Variants in PSMF1 observed in about 807,000 individuals in gnomAD.
PSMF1 encodes the protein proteasome inhibitor subunit 1, also known as proteasome inhibitor PI31 subunit.
A neutral mutation model predicts 29.3 loss-of-function variants in PSMF1; 30 were observed. That is an observed-to-expected ratio of 1.02 (90% CI 0.77 to 1.39). The LOEUF is 1.39. Among genes scored for constraint, PSMF1 ranks in the 40% most tolerant of loss-of-function variants. PSMF1 has a pLI of 0.00. For missense variants in PSMF1, 344 were observed against 357.5 expected (o/e 0.96, Z 0.31); for synonymous variants, 134 against 139.7 (o/e 0.96, Z 0.29).
At chr20:1,126,445 T>C (rs1292790242) in intron 2 of PSMF1, among the ~76,000 whole-genome samples, 1 of 152,232 alleles carries the variant, frequency 6.6e-6, no homozygotes, top group African/African-American at 2.4e-5. Context: ...TTAACTATTA[T>C]ATAGTTTCTC....
At chr20:1,139,579 A>C (rs11697070) in intron 4 of PSMF1, among the ~76,000 whole-genome samples, 17,333 of 152,114 alleles carry the variant, frequency 0.11, 1,084 homozygotes, top group African/African-American at 0.15. Flanking sequence ...CCCCGTCTCT[A>C]CTAAAAATAC....
intron 3 of PSMF1, among the ~76,000 whole-genome samples, chr20:1,131,869 T>A (rs2086233962): frequency 6.6e-6 from 1 of 152,188 alleles, no homozygotes; most frequent in South Asian, 2.1e-4. Context: ...TAATCAGGCC[T>A]GAATTTTACA....
intron 4 of PSMF1, among the ~76,000 whole-genome samples, chr20:1,138,702 A>G (rs1263240141): frequency 2.6e-5 from 4 of 151,882 alleles, no homozygotes; most frequent in African/African-American, 9.7e-5. Flanking sequence ...GCATATACCT[A>G]TAGTCCCAGC....
chr20:1,121,101 CAGAA>C (rs962410635), intron 1 of PSMF1, among the ~76,000 whole-genome samples: 4 of 151,998 alleles, frequency 2.6e-5, no homozygotes, highest in African/African-American at 7.2e-5. Flanking sequence ...ATGAAATGTA[CAGAA>C]AGAATACAAT....
intron 4 of PSMF1, among the ~76,000 whole-genome samples, chr20:1,138,686 T>C (rs1568471768): frequency 6.6e-6 from 1 of 151,876 alleles, no homozygotes; most frequent in African/African-American, 2.4e-5. Flanking sequence ...TTAGCCAGGC[T>C]TGATGGCATA....
chr20:1,129,176 G>T (rs963029318), intron 3 of PSMF1, among the ~76,000 whole-genome samples: 1 of 152,084 alleles, frequency 6.6e-6, no homozygotes, highest in African/African-American at 2.4e-5. Context: ...ACTGCACCCA[G>T]CCAATTTTTG....
At position 1,164,365 on chromosome 20, in the gene PSMF1, C is replaced by T. The variant is rs748423519; in HGVS notation, c.653C>T (p.Pro218Leu). ...MIVDPLRSGFPRALIDPSSGL... is the reference protein window; with the variant it reads ...MIVDPLRSGFLRALIDPSSGL... ...GTGGATCCCCTGAGATCTGGCTTCC[C>T]AAGAGCACTTATTGACCCTTCCTCA... Residue 218 changes from proline to leucine, a missense_variant, in exon 6 of 7, where the codon CCA (proline) becomes CTA (leucine). Transcript: ENST00000335877. The surrounding 1 kb of genome is among the most constrained non-coding windows in gnomAD (Gnocchi z 4.1). The T allele has an allele frequency of 1.2e-6, 2 of 1,614,016 alleles. No individual in the cohort carries two copies. The highest frequency in any genetic ancestry group is 1.1e-5 in the South Asian group (1 of 91,086).
At chr20:1,161,077 G>T in intron 4 of PSMF1, 1 of 479,950 alleles carries the variant, frequency 2.1e-6, no homozygotes. Flanking sequence ...CCATCTACAA[G>T]GGCTATGCCC....
chr20:1,131,838 C>T (rs1313392882), intron 3 of PSMF1, among the ~76,000 whole-genome samples: 1 of 152,166 alleles, frequency 6.6e-6, no homozygotes, highest in South Asian at 2.1e-4. Flanking sequence ...AGAACTTCTC[C>T]TTCAGGACCT....
intron 4 of PSMF1, among the ~76,000 whole-genome samples, chr20:1,139,757 A>C: frequency 6.8e-6 from 1 of 147,866 alleles, no homozygotes; most frequent in Admixed American, 6.7e-5. Context: ...AAAAAAAAAA[A>C]CGATAAAAAT....
chr20:1,162,968 G>C (rs1022223629), intron 4 of PSMF1, among the ~76,000 whole-genome samples, 162 bp from the exon 5 acceptor site: 16 of 152,046 alleles, frequency 1.1e-4, no homozygotes, highest in Admixed American at 9.2e-4. Context: ...TGTCATTGTA[G>C]GATTATCATT....
chr20:1,125,175 T>C (rs988298631), intron 1 of PSMF1, among the ~76,000 whole-genome samples: 2 of 152,246 alleles, frequency 1.3e-5, no homozygotes, highest in African/African-American at 4.8e-5. Flanking sequence ...AACTTCGCAG[T>C]GTTCCTCAAG....
Position 1,165,311 on chromosome 20 carries a change from T to C in PSMF1, c.*231T>C. 2.1e-6 allele frequency: 3 copies of C among 1,402,170 alleles called. No individual in the cohort carries two copies. Among genetic ancestry groups the C allele is most frequent in the Non-Finnish European group, 2.8e-6 (3 of 1,081,260 alleles). 86.9% of individuals were successfully genotyped at this position (1,402,170 alleles called of 1,614,324 possible). ...AGAAATCAGTGTGTCTCTTTCACCA[T>C]CAGCTCCTCCCCTTTCACCACCAGC... On this transcript the variant is annotated 3_prime_UTR_variant, in exon 7 of 7. Coordinates refer to ENST00000335877, the MANE Select transcript of PSMF1 (RefSeq NM_006814.5).
chr20:1,163,203 TGGCAG>T lies in PSMF1; in HGVS notation c.605+21_605+25del, dbSNP rs1231528195. On this transcript the variant is annotated intron_variant, in intron 5 of 6. Coordinates refer to ENST00000335877, the MANE Select transcript of PSMF1 (RefSeq NM_006814.5). The surrounding 1 kb of genome is among the most constrained non-coding windows in gnomAD (Gnocchi z 6.1). ...TTTTGGGTGAGTACTGCTGGGGAGG[TGGCAG>T]CAACACAACTTGCTTTTGTGGCTTT... is the stretch of plus-strand genomic sequence containing the variant. 1 of 1,612,910 alleles carries T rather than the reference TGGCAG, an allele frequency of 6.2e-7. No individual in the cohort carries two copies. The highest frequency in any genetic ancestry group is 2.2e-5 in the East Asian group (1 of 44,888).
At chr20:1,124,664 T>G (rs577251333) in intron 1 of PSMF1, among the ~76,000 whole-genome samples, 1 of 152,348 alleles carries the variant, frequency 6.6e-6, no homozygotes, top group East Asian at 1.9e-4. Flanking sequence ...AGTAGATGTA[T>G]AAATTGCAGC....
At chr20:1,159,545 G>A (rs901954277) in intron 4 of PSMF1, among the ~76,000 whole-genome samples, 1 of 152,188 alleles carries the variant, frequency 6.6e-6, no homozygotes. Context: ...AAATAGAGAT[G>A]GTTGCATATT....
chr20:1,117,913 G>T (rs1449698230), upstream of PSMF1: 1 of 152,218 alleles, frequency 6.6e-6, no homozygotes, highest in Non-Finnish European at 1.5e-5. Flanking sequence ...TTGATAGTGG[G>T]TCAGGAGCTT....
intron 4 of PSMF1, among the ~76,000 whole-genome samples, chr20:1,162,301 C>T (rs2086676853): frequency 6.6e-6 from 1 of 151,948 alleles, no homozygotes; most frequent in Non-Finnish European, 1.5e-5. Flanking sequence ...ATTCTTGAGT[C>T]TTTAAGAGAT....
chr20:1,143,200 C>T (rs138114346), intron 4 of PSMF1, among the ~76,000 whole-genome samples: 1 of 152,224 alleles, frequency 6.6e-6, no homozygotes, highest in East Asian at 1.9e-4. Context: ...ATAGCTATAA[C>T]AATTTTTTAA....
Sources: allele counts gnomAD v4.1 joint callset (sites outside exome capture counted in the v4.1 genomes callset), GRCh38; gene constraint gnomAD v4.1.1; non-coding constraint Gnocchi (gnomAD v3.1); transcripts MANE v1.5; gene names NCBI Gene and HGNC (gene_info 2026-07-23, HGNC 2026-07-21).